The following PTPN14 variants were observed in gnomAD, a reference collection of about 807,000 sequenced individuals.
The protein encoded by PTPN14 is protein tyrosine phosphatase non-receptor type 14.
In PTPN14, 53 loss-of-function variants were observed where a neutral mutation model predicts 126.8. The ratio of observed to expected loss-of-function variants is 0.42; its 90% CI spans 0.34 to 0.53. The LOEUF is 0.53. PTPN14 is among the 20% of genes least tolerant of loss of function. PTPN14 has a pLI of 0.08. For missense variants in PTPN14, 1,257 were observed against 1,552.9 expected (o/e 0.81, Z 3.20); for synonymous variants, 630 against 599.3 (o/e 1.05, Z -0.75).
At chr1:214,478,873 T>A (rs530701400) in intron 1 of PTPN14, among the ~76,000 whole-genome samples, 2 of 152,232 alleles carry the variant, frequency 1.3e-5, no homozygotes, top group African/African-American at 4.8e-5. Flanking sequence ...AGATGTACAT[T>A]TACATAATAA....
At chr1:214,505,866 T>C (rs1338808213) in intron 1 of PTPN14, among the ~76,000 whole-genome samples, 1 of 152,206 alleles carries the variant, frequency 6.6e-6, no homozygotes, top group Admixed American at 6.5e-5. Flanking sequence ...ACTGGACTCC[T>C]GCCTGGACAA....
chr1:214,365,793 T>C (rs1658066582), intron 17 of PTPN14, among the ~76,000 whole-genome samples: 2 of 152,228 alleles, frequency 1.3e-5, no homozygotes, highest in Admixed American at 6.5e-5. Context: ...ACGATGATGA[T>C]GACTAGTAGT....
intron 1 of PTPN14, among the ~76,000 whole-genome samples, chr1:214,523,354 T>C (rs1655307487): frequency 6.6e-6 from 1 of 152,182 alleles, no homozygotes. Context: ...ACGGACCACA[T>C]ACACGACAGT....
intron 1 of PTPN14, among the ~76,000 whole-genome samples, chr1:214,492,294 C>T (rs900959959): frequency 2.1e-5 from 3 of 145,444 alleles, no homozygotes; most frequent in Non-Finnish European, 1.5e-5. Flanking sequence ...AACCATGTAG[C>T]TATCACTTAG....
intron 1 of PTPN14, among the ~76,000 whole-genome samples, chr1:214,548,396 A>C (rs2102491547): frequency 6.6e-6 from 1 of 152,266 alleles, no homozygotes; most frequent in South Asian, 2.1e-4. Flanking sequence ...GGAGATCCAA[A>C]AGCGTATTTT....
At chr1:214,412,002 C>A (rs1659320632) in intron 4 of PTPN14, among the ~76,000 whole-genome samples, 1 of 152,018 alleles carries the variant, frequency 6.6e-6, no homozygotes, top group South Asian at 2.1e-4. Context: ...TCCTAAAGGC[C>A]ATTTAAAAAA....
intron 2 of PTPN14, 108 bp downstream of exon 2, chr1:214,464,522 A>G: frequency 7.0e-7 from 1 of 1,428,930 alleles, no homozygotes; most frequent in South Asian, 1.4e-5. Context: ...TAGGCCAAAA[A>G]ACACAACAGA....
At chr1:214,408,426 C>T (rs533078322) in intron 5 of PTPN14, among the ~76,000 whole-genome samples, 1 of 152,294 alleles carries the variant, frequency 6.6e-6, no homozygotes, top group South Asian at 2.1e-4. Flanking sequence ...TACCCACCAA[C>T]CAACCAACAA....
At chr1:214,535,226 C>G (rs1655673354) in intron 1 of PTPN14, among the ~76,000 whole-genome samples, 1 of 152,096 alleles carries the variant, frequency 6.6e-6, no homozygotes, top group African/African-American at 2.4e-5. Flanking sequence ...TCTTTTCATT[C>G]TCATTTAGAT....
Position 214,357,900 on chromosome 1 carries a change from T to C in PTPN14, c.*22A>G. The C allele has an allele frequency of 6.2e-7, 1 of 1,608,858 alleles. No individual in the cohort carries two copies. The highest frequency in any genetic ancestry group is 1.3e-5 in the African/African-American group (1 of 74,908). On this transcript the variant is annotated 3_prime_UTR_variant, in exon 19 of 19. Coordinates refer to ENST00000366956, the MANE Select transcript of PTPN14 (RefSeq NM_005401.5). Reference sequence around the variant, plus strand: ...CAGCGCGATGGAGCTGGGTCCCTCCTCCAGGAGCTGGATTGGGGTGATTAA... The same window carrying C: ...CAGCGCGATGGAGCTGGGTCCCTCCCCCAGGAGCTGGATTGGGGTGATTAA...
At chr1:214,459,520 A>G (rs557731298) in intron 2 of PTPN14, among the ~76,000 whole-genome samples, 1 of 136,504 alleles carries the variant, frequency 7.3e-6, no homozygotes, top group Non-Finnish European at 1.5e-5. Context: ...ACCAAGCTGG[A>G]GTGCAGTGGC....
At chr1:214,525,399 A>T (rs78701147) in intron 1 of PTPN14, among the ~76,000 whole-genome samples, 2,154 of 152,352 alleles carry the variant, frequency 0.014, 50 homozygotes, top group African/African-American at 0.049. Flanking sequence ...TATACTGCAT[A>T]CGTTATAGTC....
intron 5 of PTPN14, among the ~76,000 whole-genome samples, chr1:214,410,665 G>T (rs535105705): frequency 6.6e-6 from 1 of 152,290 alleles, no homozygotes; most frequent in African/African-American, 2.4e-5. Context: ...TCAGTCCTCT[G>T]CATGTAGATG....
intron 1 of PTPN14, among the ~76,000 whole-genome samples, chr1:214,539,732 A>C (rs1348907343): frequency 6.6e-6 from 1 of 152,158 alleles, no homozygotes; most frequent in Non-Finnish European, 1.5e-5. Flanking sequence ...AGGAGGGAGG[A>C]AAGCAGTTTG....
intron 4 of PTPN14, among the ~76,000 whole-genome samples, chr1:214,414,268 T>A (rs941124455): frequency 5.9e-5 from 9 of 152,192 alleles, no homozygotes; most frequent in Admixed American, 3.3e-4. Flanking sequence ...GTTGTGATAG[T>A]AACACCTTTG....
At chr1:214,506,551 T>G (rs555510806) in intron 1 of PTPN14, among the ~76,000 whole-genome samples, 105 of 142,536 alleles carry the variant, frequency 7.4e-4, no homozygotes, top group African/African-American at 2.8e-3. Context: ...ATATAAAAAC[T>G]ATTTCTAATG....
chr1:214,476,800 C>T (rs1660877128), intron 1 of PTPN14, among the ~76,000 whole-genome samples: 1 of 152,210 alleles, frequency 6.6e-6, no homozygotes, highest in Non-Finnish European at 1.5e-5. Context: ...TCCCCACCAC[C>T]TAGAGTTGTT....
intron 2 of PTPN14, among the ~76,000 whole-genome samples, chr1:214,463,823 A>G (rs900612008): frequency 6.6e-6 from 1 of 152,158 alleles, no homozygotes; most frequent in Admixed American, 6.5e-5. Flanking sequence ...AGTATTGGCA[A>G]CCACTCAACC....
intron 3 of PTPN14, among the ~76,000 whole-genome samples, chr1:214,428,349 G>C (rs551793095): frequency 1.3e-5 from 2 of 152,266 alleles, no homozygotes; most frequent in African/African-American, 4.8e-5. Context: ...AAAACTGACA[G>C]ACAAAACAGA....
Sources: gnomAD v4.1 joint callset for allele counts (sites outside exome capture counted in the v4.1 genomes callset) on GRCh38, gnomAD v4.1.1 for gene constraint, MANE v1.5 for transcripts, NCBI Gene and HGNC (gene_info 2026-07-23, HGNC 2026-07-21) for gene names.